Variants in MINDY2 observed in about 807,000 individuals in gnomAD.
The protein encoded by MINDY2 is MINDY lysine 48 deubiquitinase 2, also known as ubiquitin carboxyl-terminal hydrolase MINDY-2.
MINDY2 carries 52 observed loss-of-function variants against 68.2 expected under a neutral mutation model. The ratio of observed to expected loss-of-function variants is 0.76; its 90% confidence interval spans 0.61 to 0.96. The LOEUF (loss-of-function observed/expected upper bound fraction) is 0.96, where lower values mean the gene tolerates loss of function less well. Among genes scored for constraint, MINDY2 ranks in the 40% least tolerant of loss-of-function variants. MINDY2 has a pLI of 0.00. For missense variants in MINDY2, 881 were observed against 773.4 expected, an observed-to-expected ratio of 1.14 and a Z score of -1.65; for synonymous variants, 372 against 303.0, an observed-to-expected ratio of 1.23 and a Z score of -2.36.
At chr15:58,840,800 G>C (rs1330199951) in intron 6 of MINDY2, among the ~76,000 whole-genome samples, 1 of 147,656 alleles carries the variant, frequency 6.8e-6, no homozygotes. Flanking sequence ...GGGACTACAG[G>C]CCCCCGCCAC....
chr15:58,819,711 C>T (rs889917961), intron 4 of MINDY2, among the ~76,000 whole-genome samples: 5 of 152,158 alleles, frequency 3.3e-5, no homozygotes, highest in South Asian at 2.1e-4. Context: ...AAAAGACTTA[C>T]TGAAGTTGAG....
In MINDY2 at chr15:58,831,925, T is replaced by C. The variant is rs376896450; in HGVS notation, c.1368+9T>C. On this transcript the variant is annotated intron_variant, in intron 6 of 8. Transcript: ENST00000559228. ...CCATGACCAAATACAAGGTATGATA[T>C]AGAAATAGCTATTTAATCGTGATTC... The C allele has an allele frequency of 5.6e-6, 9 of 1,604,590 alleles. No individual in the cohort carries two copies. The highest frequency in any genetic ancestry group is 1.3e-5 in the African/African-American group (1 of 74,446).
At chr15:58,803,544 C>T (rs575787697) in intron 3 of MINDY2, among the ~76,000 whole-genome samples, 338 of 142,388 alleles carry the variant, frequency 2.4e-3, no homozygotes, top group African/African-American at 8.6e-3. Context: ...AGGCCAGATG[C>T]GGTGACTCCT....
At chr15:58,824,328 A>G (rs2031254728) in intron 5 of MINDY2, among the ~76,000 whole-genome samples, 1 of 152,240 alleles carries the variant, frequency 6.6e-6, no homozygotes, top group Non-Finnish European at 1.5e-5. Context: ...TAGGAAGAAC[A>G]TCATGGTGAA....
chr15:58,783,552 T>C lies in MINDY2; in HGVS notation c.841-4354T>C, dbSNP rs544140538. 1.1e-4 allele frequency among the ~76,000 whole-genome samples: 16 copies of C among 152,344 alleles called. No individual in the cohort carries two copies. The South Asian group carries it at 3.1e-3, about 30-fold the overall frequency. On this transcript the variant is annotated intron_variant, in intron 1 of 8. Transcript: ENST00000559228. ...TTACATTCCTGTTTAAGATTTCACTTACAGTTTAAACAGAAGGTTTTGTTG... is the reference window on the plus strand; with the variant it reads ...TTACATTCCTGTTTAAGATTTCACTCACAGTTTAAACAGAAGGTTTTGTTG...
rs1218341796 is a variant in MINDY2, at chr15:58,857,869, C to T, written c.*3259C>T. 6.6e-6 allele frequency: 1 copy of T among 152,154 alleles called. No individual in the cohort carries two copies. Among genetic ancestry groups the T allele is most frequent in the African/African-American group, 2.4e-5 (1 of 41,426 alleles). The allele number at this position is 152,154 out of a possible 1,614,324, so 9.4% of individuals were successfully genotyped here. A position where few individuals can be genotyped will look rare whatever the true frequency, so the allele number is the denominator to read the frequency against. On this transcript the variant is annotated 3_prime_UTR_variant, in exon 9 of 9. Transcript: ENST00000559228. ...TGCACTTTCCTTTTACTTTCAGAGT[C>T]TAAGTATATTCCTTAAGGTTAGTAA...
At chr15:58,774,116 G>A (rs1208168122) in intron 1 of MINDY2, among the ~76,000 whole-genome samples, 3 of 152,214 alleles carry the variant, frequency 2.0e-5, no homozygotes, top group African/African-American at 7.2e-5. Context: ...ATATTAAACT[G>A]ACTCATTCAA....
chr15:58,771,930 T>G lies in MINDY2; in HGVS notation c.535T>G (p.Phe179Val), dbSNP rs1232984858. The G allele has an allele frequency of 6.4e-7, 1 of 1,552,504 alleles. No homozygotes were observed. The highest frequency in any genetic ancestry group is 1.2e-5 in the South Asian group (1 of 80,682). ...TCCGAGCCTGGACTCTCTGGAGTCG[T>G]TCTCTAACCTGCATTCTTTTCCCAG... ...ESPSLDSLES[F>V]SNLHSFPSSC... The change falls in exon 1 of 9, where the codon TTC (phenylalanine) becomes GTC (valine). Residue 179 changes from phenylalanine (F) to valine (V), a missense_variant. Physicochemically the swap from Phe to Val is conservative, Grantham distance 50. Coordinates refer to ENST00000559228, the MANE Select transcript of MINDY2 (RefSeq NM_001040450.3).
chr15:58,822,865 G>A (rs2031149242), intron 5 of MINDY2, among the ~76,000 whole-genome samples: 2 of 152,122 alleles, frequency 1.3e-5, no homozygotes. Context: ...GAGAAGTAGG[G>A]CATGAGTTTT....
At chr15:58,847,511 A>AT in intron 7 of MINDY2, 41 bp downstream of exon 7, 1 of 1,445,864 alleles carries the variant, frequency 6.9e-7, no homozygotes, top group Non-Finnish European at 9.2e-7. Context: ...TAAAATGCTG[A>AT]TTTTTTTCAA....
At chr15:58,825,426 C>G (rs1595754426) in intron 5 of MINDY2, among the ~76,000 whole-genome samples, 1 of 152,194 alleles carries the variant, frequency 6.6e-6, no homozygotes, top group African/African-American at 2.4e-5. Context: ...TGAATAGAAA[C>G]AATACCTTTT....
At position 58,836,722 on chromosome 15, in the gene MINDY2, G is replaced by T. The variant is rs144371197; in HGVS notation, c.1368+4806G>T. 1.6e-3 allele frequency among the ~76,000 whole-genome samples: 242 copies of T among 152,114 alleles called. 1 individual carries two copies. Among genetic ancestry groups the T allele is most frequent in the African/African-American group, 5.5e-3 (230 of 41,490 alleles). On this transcript the variant is annotated intron_variant, in intron 6 of 8. Coordinates refer to ENST00000559228, the MANE Select transcript of MINDY2 (RefSeq NM_001040450.3). ...CAACCTCTGCCTCCTGGGTTCAAGC[G>T]ATCCTCATGGCTCAGCCTCCCAAGC... is the stretch of plus-strand genomic sequence containing the variant.
At chr15:58,776,007 G>T (rs1163359270) in intron 1 of MINDY2, among the ~76,000 whole-genome samples, 1 of 151,896 alleles carries the variant, frequency 6.6e-6, no homozygotes, top group African/African-American at 2.4e-5. Context: ...GAATACAGAT[G>T]TGTGCCACCA....
At chr15:58,846,089 T>G (rs1400063507) in intron 6 of MINDY2, among the ~76,000 whole-genome samples, 1 of 142,658 alleles carries the variant, frequency 7.0e-6, no homozygotes, top group African/African-American at 2.6e-5. Context: ...GGTTAATGGA[T>G]GTTAAAAAAA....
At chr15:58,852,935 T>G (rs796915893) in intron 8 of MINDY2, among the ~76,000 whole-genome samples, 45 of 25,162 alleles carry the variant, frequency 1.8e-3, no homozygotes, top group African/African-American at 3.7e-3. Flanking sequence ...TTTTTTTTTT[T>G]TTTTTTTTTT....
rs2033125336 is a variant in MINDY2 at position 58,858,415 on chromosome 15, G to A, written c.*3805G>A. On this transcript the variant is annotated 3_prime_UTR_variant, in exon 9 of 9. Transcript: ENST00000559228. ...GACTGAACCCAAGATTAAACATTTT[G>A]CACTTGCACAAAACCTTCTTAGCAT... 1 of 152,138 alleles carries A rather than the reference G, an allele frequency of 6.6e-6. No individual in the cohort carries two copies. Among genetic ancestry groups the A allele is most frequent in the African/African-American group, 2.4e-5 (1 of 41,436 alleles). 9.4% of individuals were successfully genotyped at this position (152,138 alleles called of 1,614,324 possible).
In MINDY2 at chr15:58,777,726, AT is replaced by A. The variant is rs1900864379; in HGVS notation, c.840+5494del. Among the ~76,000 whole-genome samples the A allele has an allele frequency of 3.9e-5, 6 of 152,270 alleles. No individual in the cohort carries two copies. The South Asian group carries it at 1.2e-3, about 32-fold the overall frequency. On this transcript the variant is annotated intron_variant, in intron 1 of 8. Transcript: ENST00000559228. The stretch of plus-strand genomic sequence containing the variant: ...TTTATTACATTTAATTCGAGCTCAA[AT>A]TTGTAATTTTGTTTACCTCTCATTT...
intron 4 of MINDY2, among the ~76,000 whole-genome samples, chr15:58,812,123 T>G (rs975712870): frequency 1.3e-5 from 2 of 152,190 alleles, no homozygotes; most frequent in Admixed American, 6.5e-5. Flanking sequence ...TAATTATAGA[T>G]TCACATGCCA....
At chr15:58,776,120 A>C (rs1900755217) in intron 1 of MINDY2, among the ~76,000 whole-genome samples, 1 of 152,244 alleles carries the variant, frequency 6.6e-6, no homozygotes. Context: ...AGAGGCTATA[A>C]AATTATAGAG....
Sources: allele counts gnomAD v4.1 joint callset (sites outside exome capture counted in the v4.1 genomes callset), GRCh38; gene constraint gnomAD v4.1.1; transcripts MANE v1.5; gene names NCBI Gene and HGNC (gene_info 2026-07-23, HGNC 2026-07-21).